Variants in DACH2 observed in about 807,000 individuals in gnomAD.
DACH2 encodes the protein dachshund family transcription factor 2.
In DACH2, 17 loss-of-function variants were observed where a neutral mutation model predicts 35.8. The ratio of observed to expected loss-of-function variants is 0.48; its 90% CI spans 0.33 to 0.71. DACH2 has a LOEUF of 0.71. Among genes scored for constraint, DACH2 ranks in the 30% least tolerant of loss-of-function variants. The probability of loss-of-function intolerance (pLI) is 0.02; values close to 1 mark genes in which losing one functional copy is unlikely to be tolerated. For synonymous variants in DACH2, 195 were observed against 177.3 expected (o/e 1.10, Z -0.79); for missense variants, 469 against 472.7 (o/e 0.99, Z 0.07).
intron 2 of DACH2, chrX:86,512,781 C>T (rs959540511): frequency 1.2e-5 from 3 of 248,974 alleles, no homozygotes; most frequent in Non-Finnish European, 2.3e-5. Flanking sequence ...ATATTGGGAT[C>T]CTTTAGGACA....
intron 6 of DACH2, among the ~76,000 whole-genome samples, chrX:86,715,516 A>G (rs1324930645): frequency 9.0e-6 from 1 of 111,116 alleles, no homozygotes; most frequent in African/African-American, 3.3e-5. Context: ...ATATGGGTAC[A>G]TAGGATCCCA....
intron 3 of DACH2, among the ~76,000 whole-genome samples, chrX:86,564,632 A>G (rs1433378229): frequency 9.0e-6 from 1 of 111,528 alleles, no homozygotes; most frequent in East Asian, 2.8e-4. Flanking sequence ...CATTGACAGT[A>G]AAAGTCAGCA....
At chrX:86,635,363 A>G (rs761572555) in intron 3 of DACH2, among the ~76,000 whole-genome samples, 3 of 108,221 alleles carry the variant, frequency 2.8e-5, no homozygotes, top group South Asian at 4.1e-4. Flanking sequence ...CAAACTAGGT[A>G]TTGAAGGAGC....
chrX:86,466,525 A>G (rs767994318), intron 2 of DACH2, among the ~76,000 whole-genome samples: 8 of 111,442 alleles, frequency 7.2e-5, no homozygotes, highest in South Asian at 7.7e-4. Flanking sequence ...AGTCCCCCAA[A>G]GTCTTAACTC....
intron 3 of DACH2, among the ~76,000 whole-genome samples, chrX:86,650,237 TTTTA>T (rs904772367): frequency 9.4e-6 from 1 of 106,874 alleles, no homozygotes; most frequent in Non-Finnish European, 1.9e-5. Context: ...AATATCTGAC[TTTTA>T]TTAATACAAA....
At chrX:86,633,137 C>CA (rs769478042) in intron 3 of DACH2, among the ~76,000 whole-genome samples, 2 of 108,444 alleles carry the variant, frequency 1.8e-5, no homozygotes, top group Non-Finnish European at 3.8e-5. Context: ...AAATAAAGAC[C>CA]AAAAAAATAC....
chrX:86,180,834 T>C (rs1214630695), intron 1 of DACH2, among the ~76,000 whole-genome samples: 1 of 111,798 alleles, frequency 8.9e-6, no homozygotes, highest in African/African-American at 3.3e-5. Flanking sequence ...CTTTCCAAGG[T>C]TGACTTTCTG....
intron 2 of DACH2, among the ~76,000 whole-genome samples, chrX:86,471,414 C>T (rs1602557197): frequency 9.0e-6 from 1 of 111,286 alleles, no homozygotes; most frequent in Non-Finnish European, 1.9e-5. Flanking sequence ...GCTAAGAGAA[C>T]TTGGAATCTC....
intron 1 of DACH2, among the ~76,000 whole-genome samples, chrX:86,219,781 G>T (rs903094189): frequency 9.1e-6 from 1 of 110,002 alleles, no homozygotes; most frequent in Admixed American, 9.7e-5. Flanking sequence ...TATTTAATAT[G>T]TATAATTTGA....
chrX:86,488,626 G>A (rs1425544664), intron 2 of DACH2, among the ~76,000 whole-genome samples: 1 of 110,763 alleles, frequency 9.0e-6, no homozygotes, highest in Non-Finnish European at 1.9e-5. Context: ...CTTACCACAG[G>A]AAATATAAAT....
intron 2 of DACH2, among the ~76,000 whole-genome samples, chrX:86,461,924 A>G (rs773565373): frequency 9.0e-6 from 1 of 111,420 alleles, no homozygotes; most frequent in South Asian, 3.7e-4. Context: ...TTCATTGGGT[A>G]TATTTTCTCT....
At chrX:86,623,533 T>C (rs2040092857) in intron 3 of DACH2, among the ~76,000 whole-genome samples, 2 of 111,891 alleles carry the variant, frequency 1.8e-5, no homozygotes, top group South Asian at 7.5e-4. Context: ...GGATAGATTA[T>C]TGGAGATTGT....
In DACH2 at chrX:86,755,551, GTTTCAGGTCTTACAT is replaced by G. The variant is rs765307123; in HGVS notation, c.1240+15671_1240+15685del. 9.6e-5 allele frequency among the ~76,000 whole-genome samples: 10 copies of G among 104,555 alleles called. No individual in the cohort carries two copies. In the South Asian group the frequency reaches 4.2e-3, roughly 44 times the overall value. 90.8% of individuals were successfully genotyped at this position (104,555 alleles called of 115,157 possible). On this transcript the variant is annotated intron_variant, in intron 7 of 11. Transcript: ENST00000373125. The stretch of plus-strand genomic sequence containing the variant: ...TATGTTTTCTTCTAGTAGTTTTATA[GTTTCAGGTCTTACAT>G]TAAAGGCTTTAATCCGTCTTGACCT...
intron 1 of DACH2, among the ~76,000 whole-genome samples, chrX:86,341,651 G>T (rs2148061354): frequency 8.9e-6 from 1 of 111,998 alleles, no homozygotes; most frequent in East Asian, 2.8e-4. Context: ...TCATCTGATG[G>T]ATCTGGAAAA....
intron 1 of DACH2, among the ~76,000 whole-genome samples, chrX:86,295,340 C>G (rs1279384845): frequency 2.7e-5 from 3 of 112,148 alleles, no homozygotes; most frequent in African/African-American, 6.5e-5. Context: ...GTGAGATGAA[C>G]CCAGTACCTC....
At chrX:86,243,538 G>A (rs1385585044) in intron 1 of DACH2, among the ~76,000 whole-genome samples, 1 of 111,410 alleles carries the variant, frequency 9.0e-6, no homozygotes, top group Non-Finnish European at 1.9e-5. Flanking sequence ...GTGTAAGAGA[G>A]ATTTTTTTTT....
At chrX:86,531,934 C>G (rs778676123) in intron 3 of DACH2, among the ~76,000 whole-genome samples, 2 of 113,028 alleles carry the variant, frequency 1.8e-5, no homozygotes, top group Non-Finnish European at 3.7e-5. Context: ...GGGAGTCCAC[C>G]CCTTGCATCA....
chrX:86,411,020 T>TTA (rs36194671), intron 2 of DACH2, among the ~76,000 whole-genome samples: 452 of 40,491 alleles, frequency 0.011, 42 homozygotes, highest in South Asian at 0.035. Flanking sequence ...ACTAATATGA[T>TTA]TATATATATA....
At chrX:86,393,177 A>G (rs768665211) in intron 2 of DACH2, among the ~76,000 whole-genome samples, 2 of 110,928 alleles carry the variant, frequency 1.8e-5, no homozygotes, top group Admixed American at 9.7e-5. Flanking sequence ...TATCAATTCA[A>G]TTACCTTGGT....
Sources: gnomAD v4.1 joint callset for allele counts (sites outside exome capture counted in the v4.1 genomes callset) on GRCh38, gnomAD v4.1.1 for gene constraint, MANE v1.5 for transcripts, NCBI Gene and HGNC (gene_info 2026-07-23, HGNC 2026-07-21) for gene names.